IGSF21: variants seen among roughly 807,000 people sequenced by gnomAD.
IGSF21 encodes the protein immunoglobin superfamily member 21, also known as immunoglobulin superfamily member 21.
In IGSF21, 28 loss-of-function variants were observed where a neutral mutation model predicts 46.8. That is an observed-to-expected ratio of 0.60 (90% CI 0.44 to 0.82). The LOEUF is 0.82. IGSF21 is among the 40% of genes least tolerant of loss of function. The pLI, the probability that IGSF21 is intolerant of heterozygous loss-of-function variation, is 0.00. For synonymous variants in IGSF21, 284 were observed against 273.6 expected, an observed-to-expected ratio of 1.04 and a Z score of -0.38; for missense variants, 624 against 665.5, an observed-to-expected ratio of 0.94 and a Z score of 0.69.
intron 3 of IGSF21, among the ~76,000 whole-genome samples, chr1:18,298,899 C>A (rs1215489791): frequency 2.0e-5 from 3 of 152,156 alleles, no homozygotes; most frequent in African/African-American, 7.2e-5. Context: ...ATCTCAGTAA[C>A]CCCAGGACCT....
At chr1:18,287,381 C>T (rs912369784) in intron 2 of IGSF21, among the ~76,000 whole-genome samples, 2 of 151,708 alleles carry the variant, frequency 1.3e-5, no homozygotes, top group East Asian at 1.9e-4. Context: ...GGTGACAGAG[C>T]GAGACTCTGT....
chr1:18,259,572 T>G (rs770677750), intron 2 of IGSF21, among the ~76,000 whole-genome samples: 1 of 152,208 alleles, frequency 6.6e-6, no homozygotes, highest in Non-Finnish European at 1.5e-5. Flanking sequence ...ACCTCTTGCA[T>G]TCTAGTCTTC....
In IGSF21 at chr1:18,362,190, C is replaced by T. The variant is rs754411603; in HGVS notation, c.500C>T (p.Thr167Met). The stretch of plus-strand genomic sequence containing the variant: ...AGCCGCTACCAAGCCCAGAACTTCA[C>T]GCTGGTCTGCATCGTGTCTGGAGGA... ...PFSRYQAQNF[T>M]LVCIVSGGKP... is the part of the protein sequence containing the mutation. Residue 167 changes from threonine (T) to methionine (M), a missense_variant, in exon 5 of 10, where the codon ACG becomes ATG. Thr to Met is a moderately conservative substitution (Grantham distance 81). Coordinates refer to ENST00000251296, the MANE Select transcript of IGSF21 (RefSeq NM_032880.5). The T allele has an allele frequency of 3.7e-6, 6 of 1,613,050 alleles. No individual in the cohort carries two copies. The highest frequency in any genetic ancestry group is 1.7e-5 in the Admixed American group (1 of 59,920).
chr1:18,225,718 G>A (rs2084559904), intron 1 of IGSF21, among the ~76,000 whole-genome samples: 1 of 152,028 alleles, frequency 6.6e-6, no homozygotes, highest in Non-Finnish European at 1.5e-5. Flanking sequence ...GTGGCCATGG[G>A]GTCAGGTCCT....
At chr1:18,289,966 G>A (rs1378423182) in intron 2 of IGSF21, among the ~76,000 whole-genome samples, 1 of 152,208 alleles carries the variant, frequency 6.6e-6, no homozygotes, top group Non-Finnish European at 1.5e-5. Flanking sequence ...TCTACCCCAG[G>A]CTGGGACATT....
intron 1 of IGSF21, among the ~76,000 whole-genome samples, chr1:18,151,528 T>C (rs2086522243): frequency 6.6e-6 from 1 of 152,214 alleles, no homozygotes; most frequent in African/African-American, 2.4e-5. Flanking sequence ...CACATTCTAG[T>C]GGCCAGAGCA....
At chr1:18,377,578 C>A (rs2086297381) in intron 9 of IGSF21, 147 bp downstream of exon 9, 1 of 722,470 alleles carries the variant, frequency 1.4e-6, no homozygotes, top group Non-Finnish European at 2.5e-6. Context: ...AGGGCAGAGT[C>A]AGGGTCCAAA....
intron 2 of IGSF21, among the ~76,000 whole-genome samples, chr1:18,291,136 C>G (rs941356106): frequency 1.3e-5 from 2 of 152,236 alleles, no homozygotes; most frequent in African/African-American, 4.8e-5. Context: ...GCTGAGGGCA[C>G]GGACGCTTGG....
intron 1 of IGSF21, among the ~76,000 whole-genome samples, chr1:18,122,824 A>T (rs2086246608): frequency 1.3e-5 from 2 of 150,872 alleles, no homozygotes; most frequent in South Asian, 4.2e-4. Context: ...ATGGGGTTTC[A>T]CCATGTTGCC....
At chr1:18,257,498 G>C (rs2084903043) in intron 2 of IGSF21, among the ~76,000 whole-genome samples, 1 of 152,120 alleles carries the variant, frequency 6.6e-6, no homozygotes, top group African/African-American at 2.4e-5. Context: ...TGTGACAGTG[G>C]AGGCTACGGA....
intron 2 of IGSF21, among the ~76,000 whole-genome samples, chr1:18,242,305 C>G (rs543871650): frequency 6.6e-6 from 1 of 152,304 alleles, no homozygotes; most frequent in African/African-American, 2.4e-5. Context: ...CCCTCCCAAG[C>G]TGGACTCTCT....
intron 1 of IGSF21, among the ~76,000 whole-genome samples, chr1:18,218,835 A>C (rs1264219745): frequency 6.6e-6 from 1 of 152,236 alleles, no homozygotes; most frequent in African/African-American, 2.4e-5. Flanking sequence ...GTTATCAAAA[A>C]CAGTCTTGAA....
At chr1:18,273,039 C>CTTTTTTTTTTTT (rs760448516) in intron 2 of IGSF21, among the ~76,000 whole-genome samples, 809 of 80,698 alleles carry the variant, frequency 0.01, 83 homozygotes, top group Admixed American at 0.015. Context: ...CCAGACGGAT[C>CTTTTTTTTTTTT]TTTTTTTTTT....
At chr1:18,115,758 T>C (rs1205504638) in intron 1 of IGSF21, 1 of 140,402 alleles carries the variant, frequency 7.1e-6, no homozygotes, top group Non-Finnish European at 1.5e-5. Context: ...TTTGGGAAGG[T>C]AAAGAAAGAA....
intron 3 of IGSF21, among the ~76,000 whole-genome samples, chr1:18,297,311 G>A (rs564774259): frequency 6.6e-5 from 10 of 152,268 alleles, no homozygotes; most frequent in African/African-American, 2.2e-4. Flanking sequence ...TGGGGTGGAT[G>A]AACAAGACAC....
intron 4 of IGSF21, among the ~76,000 whole-genome samples, chr1:18,338,026 T>G (rs1185037480): frequency 6.6e-6 from 1 of 152,080 alleles, no homozygotes; most frequent in Non-Finnish European, 1.5e-5. Flanking sequence ...CAGCATCTCC[T>G]GTAACCCATC....
intron 2 of IGSF21, among the ~76,000 whole-genome samples, chr1:18,240,647 G>C (rs865788361): frequency 6.6e-6 from 1 of 152,184 alleles, no homozygotes; most frequent in Admixed American, 6.5e-5. Flanking sequence ...ATCTTATGTG[G>C]CCCTGAGGGT....
At chr1:18,199,168 G>T (rs2087040297) in intron 1 of IGSF21, among the ~76,000 whole-genome samples, 1 of 152,116 alleles carries the variant, frequency 6.6e-6, no homozygotes, top group Non-Finnish European at 1.5e-5. Flanking sequence ...ATAGAAGGGA[G>T]GGTGGCTCTG....
At chr1:18,178,298 T>C (rs4920448) in intron 1 of IGSF21, among the ~76,000 whole-genome samples, 11,047 of 152,172 alleles carry the variant, frequency 0.073, 556 homozygotes, top group African/African-American at 0.13. Context: ...ATGTTCTCCA[T>C]TTACAGAAGA....
Sources: allele counts gnomAD v4.1 joint callset (sites outside exome capture counted in the v4.1 genomes callset), GRCh38; gene constraint gnomAD v4.1.1; transcripts MANE v1.5; gene names NCBI Gene and HGNC (gene_info 2026-07-23, HGNC 2026-07-21).